The following CACNA2D1 variants were observed in gnomAD, a reference collection of about 807,000 sequenced individuals.
CACNA2D1 encodes calcium voltage-gated channel auxiliary subunit alpha2delta 1, also known as voltage-dependent calcium channel subunit alpha-2/delta-1.
In CACNA2D1, 53 loss-of-function variants were observed where a neutral mutation model predicts 171.5. The observed-to-expected ratio is 0.31, with a 90% CI of 0.25 to 0.39. The LOEUF is 0.39. CACNA2D1 is among the 10% of genes least tolerant of loss of function. The pLI, the probability that CACNA2D1 is intolerant of heterozygous loss-of-function variation, is 1.00. For synonymous variants in CACNA2D1, 442 were observed against 443.1 expected (o/e 1.00, Z 0.03); for missense variants, 903 against 1,299.8 (o/e 0.69, Z 4.69).
chr7:81,966,182 A>G (rs1794692417), intron 31 of CACNA2D1, among the ~76,000 whole-genome samples: 1 of 122,214 alleles, frequency 8.2e-6, no homozygotes, highest in Non-Finnish European at 1.7e-5. Flanking sequence ...GCAAAACGCA[A>G]AACAAAAAAT....
chr7:82,042,216 T>A (rs1287882590), intron 10 of CACNA2D1, among the ~76,000 whole-genome samples: 1 of 152,198 alleles, frequency 6.6e-6, no homozygotes, highest in East Asian at 1.9e-4. Flanking sequence ...CAGATAAGAC[T>A]ATATTTCACA....
At chr7:82,272,793 C>G (rs766556515) in intron 3 of CACNA2D1, among the ~76,000 whole-genome samples, 1 of 151,662 alleles carries the variant, frequency 6.6e-6, no homozygotes, top group Non-Finnish European at 1.5e-5. Context: ...TTCTTCATTT[C>G]AAAAAAAATG....
intron 3 of CACNA2D1, among the ~76,000 whole-genome samples, chr7:82,202,137 G>A (rs1052859958): frequency 7.2e-5 from 11 of 152,194 alleles, no homozygotes; most frequent in East Asian, 1.9e-4. Context: ...ATGTGAGTTC[G>A]TACTTGGCTT....
At chr7:82,394,155 G>T (rs1825517028) in intron 1 of CACNA2D1, among the ~76,000 whole-genome samples, 1 of 152,116 alleles carries the variant, frequency 6.6e-6, no homozygotes, top group Admixed American at 6.6e-5. Flanking sequence ...AAATGGAGGG[G>T]GAGGGGTCAA....
intron 3 of CACNA2D1, among the ~76,000 whole-genome samples, chr7:82,279,749 G>C (rs1465130276): frequency 6.6e-6 from 1 of 151,964 alleles, no homozygotes; most frequent in Non-Finnish European, 1.5e-5. Context: ...GTTAAGATTT[G>C]AAAAAATTAG....
chr7:82,016,971 C>T lies in CACNA2D1; in HGVS notation c.1144-2492G>A, dbSNP rs893910338. 2.6e-5 allele frequency among the ~76,000 whole-genome samples: 4 copies of T among 152,060 alleles called. No homozygotes were observed. The East Asian group carries it at 7.7e-4, about 29-fold the overall frequency. ...GACATTATTTTCCTGAAATTTTATT[C>T]CAAGTGTTTACTAAAATCCTAATTG... is the stretch of plus-strand genomic sequence containing the variant. On this transcript the variant is annotated intron_variant, in intron 12 of 38. Coordinates refer to ENST00000356860, the MANE Select transcript of CACNA2D1 (RefSeq NM_000722.4).
intron 6 of CACNA2D1, among the ~76,000 whole-genome samples, chr7:82,103,664 T>G (rs2129039079): frequency 8.1e-6 from 1 of 123,002 alleles, no homozygotes. Context: ...TTTGTGTGTG[T>G]ATATACATAT....
intron 6 of CACNA2D1, among the ~76,000 whole-genome samples, chr7:82,113,365 C>T (rs993731796): frequency 2.0e-5 from 3 of 152,000 alleles, no homozygotes; most frequent in African/African-American, 7.2e-5. Flanking sequence ...AAGTTATATG[C>T]TTGTCTTGTA....
intron 24 of CACNA2D1, among the ~76,000 whole-genome samples, 153 bp downstream of exon 24, chr7:81,982,414 A>C (rs1796535032): frequency 6.6e-6 from 1 of 152,166 alleles, no homozygotes; most frequent in African/African-American, 2.4e-5. Flanking sequence ...GAAATGAATA[A>C]ATAAAGATTT....
At chr7:82,088,854 G>C (rs779747187) in intron 6 of CACNA2D1, among the ~76,000 whole-genome samples, 1 of 151,912 alleles carries the variant, frequency 6.6e-6, no homozygotes, top group Non-Finnish European at 1.5e-5. Flanking sequence ...ATGGAGGTGG[G>C]ACATGGTTTC....
At chr7:82,199,174 C>T (rs1354988332) in intron 3 of CACNA2D1, among the ~76,000 whole-genome samples, 2 of 152,038 alleles carry the variant, frequency 1.3e-5, no homozygotes, top group Admixed American at 6.6e-5. Context: ...CTTTCACTGG[C>T]CTGTATTTAC....
chr7:82,174,151 T>G lies in CACNA2D1; in HGVS notation c.295-3542A>C, dbSNP rs560257715. Among the ~76,000 whole-genome samples the G allele has an allele frequency of 4.8e-5, 6 of 125,696 alleles. No individual in the cohort carries two copies. The East Asian group carries it at 1.4e-3, about 29-fold the overall frequency. 82.5% of individuals were successfully genotyped at this position (125,696 alleles called of 152,430 possible). A position where few individuals can be genotyped will look rare whatever the true frequency, so the allele number is the denominator to read the frequency against. Reference sequence around the variant, plus strand: ...TAGTTGGCTATATAAGTATATCCTGTAACAATAACTTACTTCAGAAAAAAA... The same window carrying G: ...TAGTTGGCTATATAAGTATATCCTGGAACAATAACTTACTTCAGAAAAAAA... On this transcript the variant is annotated intron_variant, in intron 3 of 38. Coordinates refer to ENST00000356860, the MANE Select transcript of CACNA2D1 (RefSeq NM_000722.4).
intron 3 of CACNA2D1, among the ~76,000 whole-genome samples, chr7:82,194,764 G>A (rs963113987): frequency 5.9e-5 from 9 of 151,990 alleles, no homozygotes; most frequent in Admixed American, 5.9e-4. Context: ...AAAATTATCT[G>A]TGAGGAAGAA....
At chr7:82,081,097 G>A (rs772312835) in intron 7 of CACNA2D1, among the ~76,000 whole-genome samples, 2 of 152,200 alleles carry the variant, frequency 1.3e-5, no homozygotes, top group Non-Finnish European at 2.9e-5. Flanking sequence ...AGCCTAGCCT[G>A]AGGGTCAAGT....
chr7:82,215,403 G>C (rs1247306971), intron 3 of CACNA2D1, among the ~76,000 whole-genome samples: 1 of 152,120 alleles, frequency 6.6e-6, no homozygotes, highest in Non-Finnish European at 1.5e-5. Flanking sequence ...GTAAACAGCA[G>C]AACGCAGACC....
chr7:82,340,887 A>G (rs17178852), intron 2 of CACNA2D1, among the ~76,000 whole-genome samples: 23,586 of 152,164 alleles, frequency 0.16, 1,985 homozygotes, highest in South Asian at 0.28. Context: ...GTTACATTAT[A>G]TTTCCCACCA....
At chr7:82,035,930 C>G (rs866506572) in intron 11 of CACNA2D1, among the ~76,000 whole-genome samples, 2 of 152,190 alleles carry the variant, frequency 1.3e-5, no homozygotes, top group Middle Eastern at 6.8e-3. Flanking sequence ...ATGCATCTCA[C>G]CACACATTAT....
chr7:82,182,809 G>C lies in CACNA2D1; in HGVS notation c.295-12200C>G, dbSNP rs571183605. Among the ~76,000 whole-genome samples the C allele has an allele frequency of 7.7e-4, 117 of 152,194 alleles. 1 individual carries two copies. The highest frequency in any genetic ancestry group is 2.1e-3 in the South Asian group (10 of 4,808). ...TCCCAGCACTTTGGGAGGATGAGGA[G>C]GGCGGATCACGAAGTCGGGAGTTCG... On this transcript the variant is annotated intron_variant, in intron 3 of 38. Coordinates refer to ENST00000356860, the MANE Select transcript of CACNA2D1 (RefSeq NM_000722.4).
chr7:82,272,815 A>C (rs2299164), intron 3 of CACNA2D1, among the ~76,000 whole-genome samples: 44,514 of 152,062 alleles, frequency 0.29, 6,540 homozygotes, highest in Non-Finnish European at 0.31. Context: ...GCACAGTGAA[A>C]ATTTAAAAAG....
Sources: gnomAD v4.1 joint callset for allele counts (sites outside exome capture counted in the v4.1 genomes callset) on GRCh38, gnomAD v4.1.1 for gene constraint, MANE v1.5 for transcripts, NCBI Gene and HGNC (gene_info 2026-07-23, HGNC 2026-07-21) for gene names.